PSG7: variants seen among roughly 807,000 people sequenced by gnomAD.
PSG7 encodes pregnancy specific beta-1-glycoprotein 7.
PSG7 carries 57 observed loss-of-function variants against 45.6 expected under a neutral mutation model. That is an observed-to-expected ratio of 1.25 (90% CI 1.01 to 1.56). The LOEUF is 1.56. Among genes scored for constraint, PSG7 ranks in the 40% most tolerant of loss-of-function variants. The probability of loss-of-function intolerance (pLI) is 0.00; values close to 1 mark genes in which losing one functional copy is unlikely to be tolerated. For missense variants in PSG7, 796 were observed against 508.4 expected, an observed-to-expected ratio of 1.57 and a Z score of -5.44; for synonymous variants, 298 against 194.4, an observed-to-expected ratio of 1.53 and a Z score of -4.43.
chr19:42,934,845 G>A (rs1383589855), intron 2 of PSG7, among the ~76,000 whole-genome samples: 1 of 151,684 alleles, frequency 6.6e-6, no homozygotes, highest in Non-Finnish European at 1.5e-5. Flanking sequence ...TCCTTGCCCA[G>A]ATGAGGCTCT....
rs1390535707 is a variant in PSG7 at position 42,935,384 on chromosome 19, G to A, written c.430+20C>T. ...TGACCCCTGCCCCCCAACACCCAGG[G>A]ACCATGTGGAATCACTCACGGTATA... On this transcript the variant is annotated intron_variant, in intron 2 of 5. Coordinates refer to ENST00000406070, the MANE Select transcript of PSG7 (RefSeq NM_002783.3). 4 of 1,610,888 alleles carry A rather than the reference G, an allele frequency of 2.5e-6. No homozygotes were observed. Among genetic ancestry groups the A allele is most frequent in the South Asian group, 2.2e-5 (2 of 90,582 alleles).
chr19:42,932,493 G>C (rs1973042279), intron 2 of PSG7, among the ~76,000 whole-genome samples: 1 of 151,418 alleles, frequency 6.6e-6, no homozygotes, highest in Non-Finnish European at 1.5e-5. Flanking sequence ...AGTCACGAGT[G>C]AAATGGGTGA....
chr19:42,933,009 A>G (rs1293304321), intron 2 of PSG7, among the ~76,000 whole-genome samples: 1 of 150,140 alleles, frequency 6.7e-6, no homozygotes, highest in Non-Finnish European at 1.5e-5. Flanking sequence ...ACCTATGACT[A>G]ATGGCTCAGC....
chr19:42,926,367 G>C lies in PSG7; in HGVS notation c.988+71C>G. 1.9e-6 allele frequency: 3 copies of C among 1,592,944 alleles called. No homozygotes were observed. In the East Asian group the frequency reaches 6.7e-5, roughly 36 times the overall value. On this transcript the variant is annotated intron_variant, in intron 4 of 5. Transcript: ENST00000406070. The stretch of plus-strand genomic sequence containing the variant: ...GACCGGAGAGAGACTGAGAGGACTG[G>C]CCTCTGGTCGTTTGGAGTTAAGCTG...
Position 42,937,151 on chromosome 19 carries a change from G to T in PSG7, c.-75C>A. 2 of 1,562,502 alleles carry T rather than the reference G, an allele frequency of 1.3e-6. No homozygotes were observed. Among genetic ancestry groups the T allele is most frequent in the Non-Finnish European group, 8.8e-7 (1 of 1,142,368 alleles). On this transcript the variant is annotated 5_prime_UTR_variant, in exon 1 of 6. In the 5' UTR this introduces an upstream ATG that the reference lacks. Coordinates refer to ENST00000406070, the MANE Select transcript of PSG7 (RefSeq NM_002783.3). ...AGAATCTTCCTGAGCACGGCTGTCA[G>T]CTGTGCTGTCCTTCCTCCTTCTGCA...
Position 42,937,187 on chromosome 19 carries a change from T to TC in PSG7, c.-112dup. 1.4e-6 allele frequency: 2 copies of TC among 1,458,714 alleles called. No individual in the cohort carries two copies. The highest frequency in any genetic ancestry group is 2.4e-5 in the East Asian group (1 of 42,458). The allele number at this position is 1,458,714 out of a possible 1,614,324, so 90.4% of individuals were successfully genotyped here. On this transcript the variant is annotated 5_prime_UTR_variant, in exon 1 of 6. Transcript: ENST00000406070. ...CTTCCTCCTTCTGCACTGAGCCTCT[T>TC]CCCGGGGCAGGAGCACTTCTCAAGC...
At chr19:42,936,169 T>C (rs1258656401) in intron 1 of PSG7, 1 of 206,898 alleles carries the variant, frequency 4.8e-6, no homozygotes, top group East Asian at 1.1e-4. Context: ...CTTTTTGACC[T>C]TTCCCTGCTC....
At position 42,926,631 on chromosome 19, in the gene PSG7, C is replaced by G. The variant is rs764010472; in HGVS notation, c.795G>C (p.Lys265Asn). 14 of 1,609,884 alleles carry G rather than the reference C, an allele frequency of 8.7e-6. No homozygotes were observed. In the Admixed American group the frequency reaches 2.0e-4, roughly 23 times the overall value. Residue 265 changes from lysine (K) to asparagine (N), a missense_variant, in exon 4 of 6, where the codon AAG (lysine) becomes AAC (asparagine). Coordinates refer to ENST00000406070, the MANE Select transcript of PSG7 (RefSeq NM_002783.3). ...ACCAAATGTAGGTGTAGTTCTCACT[C>G]TTAGGTTCACAGGTGAAGGTTGAGA... Reference protein sequence around the residue: ...KDVSTFTCEPKSENYTYIWWL... With the variant: ...KDVSTFTCEPNSENYTYIWWL...
chr19:42,935,833 C>T, intron 1 of PSG7, 64 bp from the exon 2 acceptor site: 1 of 1,540,524 alleles, frequency 6.5e-7, no homozygotes, highest in Non-Finnish European at 8.7e-7. Flanking sequence ...AAGATGGGCC[C>T]CTGGGTCCTG....
rs772982693 is a variant in PSG7 at position 42,926,684 on chromosome 19, T to C, written c.742A>G (p.Asn248Asp). 4.3e-6 allele frequency: 7 copies of C among 1,610,346 alleles called. No individual in the cohort carries two copies. Among genetic ancestry groups the C allele is most frequent in the Non-Finnish European group, 5.1e-6 (6 of 1,179,008 alleles). ...KLPKPYITINNLNPRENKDVS... is the reference protein window; with the variant it reads ...KLPKPYITINDLNPRENKDVS... ...TCCTTATTCTCCCTGGGGTTTAAGT[T>C]ATTGATGGTGATGTAGGGCTTGGGC... is the stretch of plus-strand genomic sequence containing the variant. The change falls in exon 4 of 6, where the codon AAC (asparagine) becomes GAC (aspartate). Residue 248 changes from asparagine (N) to aspartate (D), a missense_variant. Coordinates refer to ENST00000406070, the MANE Select transcript of PSG7 (RefSeq NM_002783.3).
At position 42,935,498 on chromosome 19, in the gene PSG7, G is replaced by T; in HGVS notation, c.336C>A (p.Val112=). ...TGTAGGATCCTGTGTCTTCCTGGGT[G>T]ACATTCTGGATCAGCAGGGATGCAT... ...YSNASLLIQN[V]TQEDTGSYTL... The change falls in exon 2 of 6, where the codon GTC becomes GTA. Residue 112 remains valine, a synonymous_variant. Transcript: ENST00000406070. 1.9e-6 allele frequency: 3 copies of T among 1,612,186 alleles called. No individual in the cohort carries two copies. The highest frequency in any genetic ancestry group is 2.5e-6 in the Non-Finnish European group (3 of 1,179,046).
chr19:42,930,755 A>G (rs1270216747), intron 2 of PSG7, among the ~76,000 whole-genome samples: 1 of 151,528 alleles, frequency 6.6e-6, no homozygotes, highest in Non-Finnish European at 1.5e-5. Flanking sequence ...AGTAGTTTCC[A>G]GGAGCTGGGA....
chr19:42,925,378 A>G (rs1305247778), intron 5 of PSG7: 4 of 412,304 alleles, frequency 9.7e-6, no homozygotes, highest in Non-Finnish European at 1.7e-5. Context: ...AAATATTTCA[A>G]TTATCATTCC....
chr19:42,937,198 G>T lies in PSG7; in HGVS notation c.-122C>A. 2 of 1,414,064 alleles carry T rather than the reference G, an allele frequency of 1.4e-6. No individual in the cohort carries two copies. The highest frequency in any genetic ancestry group is 2.8e-5 in the South Asian group (2 of 72,424). The allele number at this position is 1,414,064 out of a possible 1,614,324, so 87.6% of individuals were successfully genotyped here. On this transcript the variant is annotated 5_prime_UTR_variant, in exon 1 of 6. Coordinates refer to ENST00000406070, the MANE Select transcript of PSG7 (RefSeq NM_002783.3). ...TGCACTGAGCCTCTTCCCGGGGCAG[G>T]AGCACTTCTCAAGCTCATGGGTGGG...
At chr19:42,936,022 C>G in intron 1 of PSG7, 3 of 703,326 alleles carry the variant, frequency 4.3e-6, no homozygotes, top group Non-Finnish European at 6.3e-6. Context: ...ACACTCCTGA[C>G]TTTGGCATTT....
Position 42,926,523 on chromosome 19 carries a change from C to G in PSG7, c.903G>C (p.Thr301=). Residue 301 remains threonine (T), a synonymous_variant, in exon 4 of 6, where the codon ACG becomes ACC. Coordinates refer to ENST00000406070, the MANE Select transcript of PSG7 (RefSeq NM_002783.3). The stretch of plus-strand genomic sequence containing the variant: ...ATTGATAGGGTCCTGTTTCATTTCT[C>G]GTGACACTGGGTAGAATGAGGATCC... ...ENRILILPSV[T]RNETGPYQCE... 2 of 1,610,986 alleles carry G rather than the reference C, an allele frequency of 1.2e-6. No individual in the cohort carries two copies. The highest frequency in any genetic ancestry group is 1.7e-6 in the Non-Finnish European group (2 of 1,179,016).
At chr19:42,929,948 A>G (rs1198883261) in intron 2 of PSG7, among the ~76,000 whole-genome samples, 3 of 151,520 alleles carry the variant, frequency 2.0e-5, no homozygotes, top group Non-Finnish European at 4.4e-5. Flanking sequence ...GTGTGAATTG[A>G]GCAGCAGCAT....
Position 42,926,685 on chromosome 19 carries a change from A to G in PSG7, c.741T>C (p.Asn247=), listed in dbSNP as rs762737624. Residue 247 remains asparagine (N), a synonymous_variant, in exon 4 of 6, where the codon AAT becomes AAC. Transcript: ENST00000406070. ...PKLPKPYITI[N]NLNPRENKDV... ...CCTTATTCTCCCTGGGGTTTAAGTT[A>G]TTGATGGTGATGTAGGGCTTGGGCA... 3.9e-5 allele frequency: 63 copies of G among 1,610,320 alleles called. 1 individual carries two copies. The highest frequency in any genetic ancestry group is 4.2e-4 in the Middle Eastern group (2 of 4,710).
chr19:42,927,103 C>T lies in PSG7; in HGVS notation c.710-387G>A, dbSNP rs1459930065. ...CTTTCCAAATTGCATCCTACTTTGC[C>T]CCCCTAGATGTGATTTCTCTGCAAC... On this transcript the variant is annotated intron_variant, in intron 3 of 5. Transcript: ENST00000406070. 3 of 277,898 alleles carry T rather than the reference C, an allele frequency of 1.1e-5. 1 individual carries two copies. The highest frequency in any genetic ancestry group is 2.1e-5 in the African/African-American group (1 of 46,646). The allele number at this position is 277,898 out of a possible 1,614,324, so 17.2% of individuals were successfully genotyped here.
Sources: gnomAD v4.1 joint callset for allele counts (sites outside exome capture counted in the v4.1 genomes callset) on GRCh38, gnomAD v4.1.1 for gene constraint, MANE v1.5 for transcripts, NCBI Gene and HGNC (gene_info 2026-07-23, HGNC 2026-07-21) for gene names.